Variants in CLDN2 observed in about 807,000 individuals in gnomAD.
CLDN2 encodes the protein claudin-2.
Under a neutral mutation model 8.2 loss-of-function variants are expected in CLDN2, and 1 was observed. The ratio of observed to expected loss-of-function variants is 0.12; its 90% CI spans 0.04 to 0.58. The LOEUF is 0.58. Among genes scored for constraint, CLDN2 ranks in the 20% least tolerant of loss-of-function variants. The pLI, the probability that CLDN2 is intolerant of heterozygous loss-of-function variation, is 0.90. For synonymous variants in CLDN2, 70 were observed against 70.2 expected, an observed-to-expected ratio of 1.00 and a Z score of 0.01; for missense variants, 108 against 172.9, an observed-to-expected ratio of 0.62 and a Z score of 2.11.
chrX:106,916,155 G>A (rs945680874), upstream of CLDN2, among the ~76,000 whole-genome samples: 15 of 110,829 alleles, frequency 1.4e-4, no homozygotes, highest in African/African-American at 4.9e-4. Context: ...AAGACAATTG[G>A]TGGGGGGATA....
chrX:106,905,757 CCATGCCACCCAT>C (rs1933170993), intron 1 of CLDN2, among the ~76,000 whole-genome samples: 1 of 111,074 alleles, frequency 9.0e-6, no homozygotes, highest in African/African-American at 3.3e-5. Context: ...CCAGACTCAA[CCATGCCACCCAT>C]CATGCCACCT....
intron 1 of CLDN2, among the ~76,000 whole-genome samples, chrX:106,912,692 CTTTA>C (rs750463296): frequency 2.2e-3 from 236 of 109,711 alleles, no homozygotes; most frequent in African/African-American, 7.4e-3. Flanking sequence ...CTGGGGAGCA[CTTTA>C]TTTTTTTTTT....
rs1325476639 is a variant in CLDN2 at position 106,928,140 on chromosome X, A to G, written c.-89A>G. 1.5e-6 allele frequency: 1 copy of G among 676,390 alleles called. No individual in the cohort carries two copies. Among genetic ancestry groups the G allele is most frequent in the African/African-American group, 2.2e-5 (1 of 46,040 alleles). 55.7% of individuals were successfully genotyped at this position (676,390 alleles called of 1,213,427 possible). A position where few individuals can be genotyped will look rare whatever the true frequency, so the allele number is the denominator to read the frequency against. ...GTCAGCCTGGCAGAGAGACTCTGAA[A>G]TGAGGGATTAGAGGTGTTCAAGGAG... On this transcript the variant is annotated 5_prime_UTR_variant, in exon 2 of 2. An upstream start codon of the reference 5' UTR is lost. Transcript: ENST00000336803.
chrX:106,906,787 A>C (rs1435822955), intron 1 of CLDN2, among the ~76,000 whole-genome samples: 1 of 111,116 alleles, frequency 9.0e-6, no homozygotes, highest in Non-Finnish European at 1.9e-5. Flanking sequence ...GTCTTCGGGA[A>C]AGTTCAGCTT....
intron 1 of CLDN2, 62 bp from the exon 2 acceptor site, chrX:106,927,989 C>T (rs1310201048): frequency 3.1e-6 from 1 of 318,007 alleles, no homozygotes; most frequent in Non-Finnish European, 5.4e-6. Context: ...AGGCATCCAG[C>T]GTTTTCTGGT....
upstream of CLDN2, among the ~76,000 whole-genome samples, chrX:106,913,861 C>T (rs149490017): frequency 2.3e-4 from 25 of 110,058 alleles, no homozygotes; most frequent in African/African-American, 8.0e-4. Flanking sequence ...CTCCTTCTTA[C>T]GCAGCTCTCT....
intron 1 of CLDN2, among the ~76,000 whole-genome samples, chrX:106,912,315 A>ATGGATAT (rs1397120343): frequency 1.8e-5 from 2 of 111,329 alleles, no homozygotes; most frequent in Admixed American, 1.9e-4. Flanking sequence ...ATGGATATAT[A>ATGGATAT]AAGCACTTCT....
intron 1 of CLDN2, among the ~76,000 whole-genome samples, chrX:106,906,369 G>A (rs1177770222): frequency 9.9e-5 from 11 of 111,026 alleles, no homozygotes; most frequent in Admixed American, 9.6e-4. Context: ...GACAAGACCC[G>A]CAGAGAGAAG....
intron 1 of CLDN2, among the ~76,000 whole-genome samples, chrX:106,912,408 CT>C (rs1158258640): frequency 0.075 from 5,081 of 67,937 alleles, 519 homozygotes; most frequent in African/African-American, 0.32. Flanking sequence ...TTATGGAACT[CT>C]TTTTTTTTTT....
upstream of CLDN2, among the ~76,000 whole-genome samples, chrX:106,919,870 C>T (rs1175907384): frequency 8.9e-6 from 1 of 112,587 alleles, no homozygotes; most frequent in Non-Finnish European, 1.9e-5. Context: ...TTATGCTGGC[C>T]TACTCAGTTC....
intron 1 of CLDN2, among the ~76,000 whole-genome samples, chrX:106,926,787 T>TCA (rs60711565): frequency 0.074 from 155 of 2,090 alleles, 56 homozygotes; most frequent in East Asian, 0.39. Context: ...GGCAGGAGGA[T>TCA]CACACACACA....
chrX:106,914,101 C>T (rs1375369330), upstream of CLDN2, among the ~76,000 whole-genome samples: 1 of 108,315 alleles, frequency 9.2e-6, no homozygotes, highest in Non-Finnish European at 1.9e-5. Context: ...TACAGGCACA[C>T]ACCACCACGC....
upstream of CLDN2, among the ~76,000 whole-genome samples, chrX:106,919,226 A>C (rs1016855852): frequency 8.9e-6 from 1 of 111,833 alleles, no homozygotes; most frequent in Non-Finnish European, 1.9e-5. Context: ...TCCCATCGAT[A>C]TCTTCTACAA....
intron 1 of CLDN2, among the ~76,000 whole-genome samples, chrX:106,908,949 T>C (rs1343476850): frequency 8.9e-6 from 1 of 111,820 alleles, no homozygotes; most frequent in East Asian, 2.8e-4. Flanking sequence ...GTGCTGCTCA[T>C]GTCATTGTCC....
At chrX:106,919,297 C>A (rs1933356243), upstream of CLDN2, among the ~76,000 whole-genome samples, 1 of 111,546 alleles carries the variant, frequency 9.0e-6, no homozygotes. Context: ...CCTCTATTTT[C>A]TTCTTTATAA....
intron 1 of CLDN2, chrX:106,903,139 C>A: frequency 8.3e-7 from 1 of 1,211,191 alleles, no homozygotes; most frequent in South Asian, 1.8e-5. Context: ...TTACCTTTCA[C>A]TCCCATTTAC....
chrX:106,905,897 C>G (rs1163858503), intron 1 of CLDN2, among the ~76,000 whole-genome samples: 1 of 111,665 alleles, frequency 9.0e-6, no homozygotes, highest in Admixed American at 9.4e-5. Context: ...CCAGCATGCT[C>G]TCCTGGAGCC....
At position 106,928,724 on chromosome X, in the gene CLDN2, T is replaced by C. The variant is rs768614767; in HGVS notation, c.496T>C (p.Leu166=). 6.6e-6 allele frequency: 8 copies of C among 1,209,611 alleles called. No individual in the cohort carries two copies. The highest frequency in any genetic ancestry group is 4.4e-5 in the Admixed American group (2 of 45,743). ...MKFEIGEALY[L]GIISSLFSLI... Reference sequence around the variant, plus strand: ...ATTTGAGATTGGAGAGGCTCTTTACTTGGGCATTATTTCTTCCCTGTTCTC... The same window carrying C: ...ATTTGAGATTGGAGAGGCTCTTTACCTGGGCATTATTTCTTCCCTGTTCTC... Residue 166 remains leucine (L), a synonymous_variant, in exon 2 of 2, where the codon TTG becomes CTG. Transcript: ENST00000336803.
Position 106,929,015 on chromosome X carries a change from C to A in CLDN2, c.*94C>A. ...CAGGTGAGGGACACTACCACTGGAT[C>A]GTGTCAGAAGGTGCTGCTGAGGATA... On this transcript the variant is annotated 3_prime_UTR_variant, in exon 2 of 2. Transcript: ENST00000336803. 1 of 763,906 alleles carries A rather than the reference C, an allele frequency of 1.3e-6. No homozygotes were observed. Among genetic ancestry groups the A allele is most frequent in the South Asian group, 2.6e-5 (1 of 38,284 alleles). The allele number at this position is 763,906 out of a possible 1,213,427, so 63.0% of individuals were successfully genotyped here. A position where few individuals can be genotyped will look rare whatever the true frequency, so the allele number is the denominator to read the frequency against.
Sources: allele counts gnomAD v4.1 joint callset (sites outside exome capture counted in the v4.1 genomes callset), GRCh38; gene constraint gnomAD v4.1.1; transcripts MANE v1.5; gene names NCBI Gene and HGNC (gene_info 2026-07-23, HGNC 2026-07-21).